The following EGF variants were observed in gnomAD, a reference collection of about 807,000 sequenced individuals.
The protein encoded by EGF is epidermal growth factor.
EGF carries 95 observed loss-of-function variants against 143.8 expected under a neutral mutation model. That is an observed-to-expected ratio of 0.66 (90% CI 0.56 to 0.78). EGF has a LOEUF of 0.78. Among genes scored for constraint, EGF ranks in the 30% least tolerant of loss-of-function variants. The probability of loss-of-function intolerance (pLI) is 0.00; values close to 1 mark genes in which losing one functional copy is unlikely to be tolerated. For missense variants in EGF, 1,320 were observed against 1,470.9 expected (o/e 0.90, Z 1.68); for synonymous variants, 510 against 510.5 (o/e 1.00, Z 0.01).
intron 1 of EGF, among the ~76,000 whole-genome samples, chr4:109,926,358 T>C (rs1390865457): frequency 1.3e-5 from 2 of 150,442 alleles, no homozygotes; most frequent in Admixed American, 6.6e-5. Flanking sequence ...GTCTTTTTTT[T>C]TTTTTTTTTT....
chr4:109,932,614 A>G (rs1326678358), intron 1 of EGF, among the ~76,000 whole-genome samples: 1 of 151,488 alleles, frequency 6.6e-6, no homozygotes, highest in Non-Finnish European at 1.5e-5. Context: ...TCCTGACCTC[A>G]TGATCCGCCT....
At chr4:109,915,872 C>G (rs1736558040) in intron 1 of EGF, among the ~76,000 whole-genome samples, 1 of 152,188 alleles carries the variant, frequency 6.6e-6, no homozygotes, top group African/African-American at 2.4e-5. Flanking sequence ...GATAGCAACA[C>G]AATTAGGTTT....
chr4:109,976,921 T>C (rs1748592677), intron 13 of EGF, among the ~76,000 whole-genome samples: 3 of 152,328 alleles, frequency 2.0e-5, no homozygotes, highest in South Asian at 2.1e-4. Context: ...GGGCATTGAA[T>C]GTTCTTGCAC....
intron 13 of EGF, 91 bp from the exon 14 acceptor site, chr4:109,979,881 G>A (rs1345145749): frequency 3.4e-6 from 5 of 1,474,640 alleles, no homozygotes; most frequent in African/African-American, 2.8e-5. Flanking sequence ...TTTAGTGTAG[G>A]AATGTTGTGT....
At chr4:109,947,130 A>T (rs1172531294) in intron 5 of EGF, among the ~76,000 whole-genome samples, 2 of 131,546 alleles carry the variant, frequency 1.5e-5, no homozygotes, top group South Asian at 2.4e-4. Flanking sequence ...AATTAAAATT[A>T]AAAAAAAAAA....
rs1283270218 is a variant in EGF, at chr4:110,012,966, G to C, written c.*1511G>C. 6.6e-6 allele frequency among the ~76,000 whole-genome samples: 1 copy of C among 152,172 alleles called. No homozygotes were observed. The highest frequency in any genetic ancestry group is 1.5e-5 in the Non-Finnish European group (1 of 68,028). On this transcript the variant is annotated 3_prime_UTR_variant, in exon 24 of 24. Transcript: ENST00000265171. ...AGAATAAAAAGAAATTGAAGTACCT[G>C]TTTTCAAATGGATACTTTATAGGAA...
At chr4:109,924,899 G>A (rs576068928) in intron 1 of EGF, among the ~76,000 whole-genome samples, 43 of 152,130 alleles carry the variant, frequency 2.8e-4, no homozygotes, top group South Asian at 2.1e-4. Context: ...TATTATTAGC[G>A]ACGAACCTCA....
intron 1 of EGF, among the ~76,000 whole-genome samples, chr4:109,916,202 C>T (rs113060502): frequency 3.3e-5 from 5 of 152,126 alleles, no homozygotes; most frequent in Admixed American, 6.5e-5. Context: ...ATTTCAGTAC[C>T]GGCTAAGGCG....
At position 109,919,552 on chromosome 4, in the gene EGF, G is replaced by A. The variant is rs551817121; in HGVS notation, c.127+6090G>A. 3.3e-5 allele frequency among the ~76,000 whole-genome samples: 5 copies of A among 152,196 alleles called. No individual in the cohort carries two copies. The East Asian group carries it at 9.7e-4, about 29-fold the overall frequency. On this transcript the variant is annotated intron_variant, in intron 1 of 23. Transcript: ENST00000265171. ...CCAGTGATTGTGAGTTATACTATAG[G>A]TTGTCCTCCTCCCCTCTCCACAATT... is the stretch of plus-strand genomic sequence containing the variant.
intron 5 of EGF, among the ~76,000 whole-genome samples, chr4:109,951,471 T>G (rs1408984148): frequency 3.4e-5 from 5 of 146,618 alleles, no homozygotes; most frequent in South Asian, 2.1e-4. Flanking sequence ...AGTACATAGG[T>G]TTTTTTGTTG....
chr4:109,980,901 C>T lies in EGF; in HGVS notation c.2297C>T (p.Ser766Leu), dbSNP rs144595306. Reference sequence around the variant, plus strand: ...AAGAGGCTTGGAACTGCTTGGTGTTCGTGTCGTGAAGGTTTTATGAAAGCC... The same window carrying T: ...AAGAGGCTTGGAACTGCTTGGTGTTTGTGTCGTGAAGGTTTTATGAAAGCC... Reference protein sequence around the residue: ...CKKRLGTAWCSCREGFMKASD... With the variant: ...CKKRLGTAWCLCREGFMKASD... Residue 766 changes from serine (S) to leucine (L), a missense_variant, in exon 15 of 24, where the codon TCG (serine) becomes TTG (leucine). By Grantham distance (145) the Ser-to-Leu change is moderately radical (BLOSUM62 -2). This residue lies in a region of EGF where 1,186 missense variants were observed against 1,313.7 expected (regional missense o/e 0.90). Coordinates refer to ENST00000265171, the MANE Select transcript of EGF (RefSeq NM_001963.6). The T allele has an allele frequency of 5.1e-4, 818 of 1,614,010 alleles. 16 individuals carry two copies. The South Asian group carries it at 7.5e-3, about 15-fold the overall frequency.
At chr4:110,000,482 A>G (rs1343209516) in intron 21 of EGF, among the ~76,000 whole-genome samples, 2 of 152,136 alleles carry the variant, frequency 1.3e-5, no homozygotes, top group Non-Finnish European at 2.9e-5. Flanking sequence ...ATAATTTTTC[A>G]TTGCTGCCTT....
At chr4:109,929,482 A>G (rs1739306831) in intron 1 of EGF, among the ~76,000 whole-genome samples, 2 of 152,208 alleles carry the variant, frequency 1.3e-5, no homozygotes, top group South Asian at 4.1e-4. Context: ...GTGGAATAGC[A>G]CATTAAAGAC....
At chr4:109,994,695 C>T (rs1481672076) in intron 19 of EGF, 38 bp from the exon 20 acceptor site, 3 of 1,609,456 alleles carry the variant, frequency 1.9e-6, no homozygotes, top group Non-Finnish European at 2.5e-6. Flanking sequence ...GACACTAATC[C>T]ATTCAGAAAG....
chr4:109,933,424 C>CT (rs11301315), intron 1 of EGF, among the ~76,000 whole-genome samples: 251 of 143,748 alleles, frequency 1.7e-3, no homozygotes, highest in South Asian at 6.9e-3. Flanking sequence ...TCTTTTTTTT[C>CT]TTTTTTTTTT....
chr4:109,986,518 T>C (rs2126131162), intron 16 of EGF, among the ~76,000 whole-genome samples: 1 of 152,346 alleles, frequency 6.6e-6, no homozygotes, highest in South Asian at 2.1e-4. Flanking sequence ...AATTACCCAA[T>C]GTCTGCATTC....
At chr4:109,991,583 G>C (rs1341227809) in intron 18 of EGF, among the ~76,000 whole-genome samples, 1 of 152,136 alleles carries the variant, frequency 6.6e-6, no homozygotes, top group Non-Finnish European at 1.5e-5. Flanking sequence ...TAAATGTTAG[G>C]GTGGCAGTAG....
chr4:109,996,896 GTCT>G (rs1751867975), intron 20 of EGF, among the ~76,000 whole-genome samples: 1 of 152,080 alleles, frequency 6.6e-6, no homozygotes, highest in Non-Finnish European at 1.5e-5. Flanking sequence ...TTCTGAACAG[GTCT>G]TCTTTAGACC....
chr4:109,963,291 A>G lies in EGF; in HGVS notation c.1431A>G (p.Ala477=), dbSNP rs1396775151. 1 of 1,613,898 alleles carries G rather than the reference A, an allele frequency of 6.2e-7. No individual in the cohort carries two copies. Among genetic ancestry groups the G allele is most frequent in the African/African-American group, 1.3e-5 (1 of 74,914 alleles). Residue 477 remains alanine, a synonymous_variant, in exon 9 of 24, where the codon GCA becomes GCG. Coordinates refer to ENST00000265171, the MANE Select transcript of EGF (RefSeq NM_001963.6). ...TACAACTGGATGAAAAAAGCTGTGCAGCTTCAGGTTAGTGCTGTGGTTGTC... is the reference window on the plus strand; with the variant it reads ...TACAACTGGATGAAAAAAGCTGTGCGGCTTCAGGTTAGTGCTGTGGTTGTC... ...YDLQLDEKSC[A]ASGPQPFLLF... is the part of the protein sequence containing the mutation.
Sources: allele counts gnomAD v4.1 joint callset (sites outside exome capture counted in the v4.1 genomes callset), GRCh38; gene constraint gnomAD v4.1.1; regional missense constraint gnomAD v4.1.1; transcripts MANE v1.5; gene names NCBI Gene and HGNC (gene_info 2026-07-23, HGNC 2026-07-21).